CNTN3: variants seen among roughly 807,000 people sequenced by gnomAD.
CNTN3 encodes contactin-3.
CNTN3 carries 60 observed loss-of-function variants against 119.1 expected under a neutral mutation model. The observed-to-expected ratio is 0.50, with a 90% CI of 0.41 to 0.62. The LOEUF is 0.62. CNTN3 is among the 20% of genes least tolerant of loss of function. The pLI is 0.00. For synonymous variants in CNTN3, 450 were observed against 438.7 expected, an observed-to-expected ratio of 1.03 and a Z score of -0.32; for missense variants, 1,101 against 1,242.4, an observed-to-expected ratio of 0.89 and a Z score of 1.71.
chr3:74,530,143 G>A (rs919316947), intron 1 of CNTN3, among the ~76,000 whole-genome samples: 2 of 151,928 alleles, frequency 1.3e-5, no homozygotes, highest in Non-Finnish European at 2.9e-5. Context: ...TGTCTTCAAG[G>A]CACTGACACT....
chr3:74,569,981 C>G (rs368418858), intron 1 of CNTN3, among the ~76,000 whole-genome samples: 1 of 152,126 alleles, frequency 6.6e-6, no homozygotes, highest in African/African-American at 2.4e-5. Flanking sequence ...TGGTTCACAA[C>G]AGGGATGTTT....
At chr3:74,613,687 GTGCTA>G (rs1705120395) in intron 1 of CNTN3, among the ~76,000 whole-genome samples, 1 of 152,166 alleles carries the variant, frequency 6.6e-6, no homozygotes, top group African/African-American at 2.4e-5. Context: ...ATTCCTGATG[GTGCTA>G]TGACCCCGGT....
intron 4 of CNTN3, among the ~76,000 whole-genome samples, chr3:74,426,501 T>C (rs1330283872): frequency 6.6e-6 from 1 of 152,196 alleles, no homozygotes; most frequent in Non-Finnish European, 1.5e-5. Context: ...AAGGATCATA[T>C]AGCAGTATAT....
chr3:74,603,994 G>C (rs1236202586), intron 1 of CNTN3, among the ~76,000 whole-genome samples: 1 of 152,046 alleles, frequency 6.6e-6, no homozygotes, highest in Non-Finnish European at 1.5e-5. Context: ...ACAGAACAGA[G>C]AGTCAAGAAA....
At chr3:74,285,688 A>G (rs1370452911) in intron 19 of CNTN3, among the ~76,000 whole-genome samples, 197 bp from the exon 20 acceptor site, 1 of 150,782 alleles carries the variant, frequency 6.6e-6, no homozygotes, top group African/African-American at 2.4e-5. Flanking sequence ...CTCTAGGAGG[A>G]GAAAAATAAT....
chr3:74,530,460 CT>C, intron 1 of CNTN3, among the ~76,000 whole-genome samples: 1 of 151,900 alleles, frequency 6.6e-6, no homozygotes, highest in South Asian at 2.1e-4. Context: ...GCAGGTACTC[CT>C]TTTTAAGTTG....
At chr3:74,596,079 A>G (rs551685986) in intron 1 of CNTN3, among the ~76,000 whole-genome samples, 30 of 152,294 alleles carry the variant, frequency 2.0e-4, no homozygotes, top group African/African-American at 4.8e-4. Context: ...GTGAACTCCC[A>G]TTCACAATTG....
At chr3:74,513,814 C>G (rs755986686) in intron 2 of CNTN3, among the ~76,000 whole-genome samples, 9 of 151,982 alleles carry the variant, frequency 5.9e-5, no homozygotes, top group Non-Finnish European at 1.2e-4. Context: ...ACTTTTGTCA[C>G]CCCTAGTCCT....
At chr3:74,348,235 TATG>T (rs1471137490) in intron 11 of CNTN3, among the ~76,000 whole-genome samples, 1 of 152,232 alleles carries the variant, frequency 6.6e-6, no homozygotes, top group African/African-American at 2.4e-5. Context: ...ATAGATATGA[TATG>T]ATAATTAGCT....
intron 3 of CNTN3, among the ~76,000 whole-genome samples, chr3:74,499,360 T>C (rs1450612314): frequency 1.3e-5 from 2 of 152,074 alleles, no homozygotes; most frequent in African/African-American, 4.8e-5. Context: ...ATCCCCACAA[T>C]GAATGTGTTC....
intron 3 of CNTN3, among the ~76,000 whole-genome samples, chr3:74,496,379 G>A (rs1703063725): frequency 1.3e-5 from 2 of 152,232 alleles, no homozygotes; most frequent in South Asian, 4.1e-4. Flanking sequence ...ATTGGCCAGT[G>A]CTGAGAAGCA....
At chr3:74,371,056 T>G in intron 6 of CNTN3, 140 bp downstream of exon 6, 5 of 638,374 alleles carry the variant, frequency 7.8e-6, no homozygotes, top group Non-Finnish European at 1.4e-5. Flanking sequence ...ATTTTTGTCA[T>G]TGTACTCATA....
Position 74,580,100 on chromosome 3 carries a change from C to A in CNTN3, c.-81+34291G>T, listed in dbSNP as rs183337064. 1.7e-3 allele frequency among the ~76,000 whole-genome samples: 253 copies of A among 152,206 alleles called. 2 individuals are homozygous for A. Among genetic ancestry groups the A allele is most frequent in the African/African-American group, 5.8e-3 (242 of 41,526 alleles). ...AACATTAGATGACAATAAGAGCAGA[C>A]AATAATTATACATTATCGGTATAAA... On this transcript the variant is annotated intron_variant, in intron 1 of 22. Transcript: ENST00000263665.
chr3:74,399,497 T>C (rs1705137196), intron 5 of CNTN3, among the ~76,000 whole-genome samples: 1 of 152,216 alleles, frequency 6.6e-6, no homozygotes, highest in South Asian at 2.1e-4. Context: ...GGCTGCATAG[T>C]ATTCCATGGT....
intron 16 of CNTN3, 73 bp downstream of exon 16, chr3:74,301,325 G>A (rs1702448162): frequency 1.4e-6 from 2 of 1,459,128 alleles, no homozygotes; most frequent in Non-Finnish European, 1.9e-6. Flanking sequence ...CTGCTGGCCT[G>A]GAGTTCAGGG....
chr3:74,301,295 G>A (rs888680296), intron 16 of CNTN3, 103 bp downstream of exon 16: 1 of 1,184,604 alleles, frequency 8.4e-7, no homozygotes, highest in Non-Finnish European at 1.2e-6. Flanking sequence ...CTGCAACAAT[G>A]GATTATTGAG....
At chr3:74,582,732 T>C (rs1388820815) in intron 1 of CNTN3, among the ~76,000 whole-genome samples, 3 of 152,004 alleles carry the variant, frequency 2.0e-5, no homozygotes, top group African/African-American at 4.8e-5. Context: ...CTGGTAGGAA[T>C]GTAAAATGGT....
chr3:74,499,610 T>A (rs761272000), intron 3 of CNTN3, 49 bp downstream of exon 3: 1 of 1,556,158 alleles, frequency 6.4e-7, no homozygotes, highest in South Asian at 1.2e-5. Context: ...AATCACCACA[T>A]AAGTGTGTTT....
chr3:74,370,288 A>C (rs1704304249), intron 6 of CNTN3, among the ~76,000 whole-genome samples: 1 of 152,126 alleles, frequency 6.6e-6, no homozygotes, highest in Non-Finnish European at 1.5e-5. Context: ...ATAAACATTT[A>C]AGAACTTTGG....
Sources: allele counts gnomAD v4.1 joint callset (sites outside exome capture counted in the v4.1 genomes callset), GRCh38; gene constraint gnomAD v4.1.1; transcripts MANE v1.5; gene names NCBI Gene and HGNC (gene_info 2026-07-23, HGNC 2026-07-21).